The following CDC42BPB variants were observed in gnomAD, a reference collection of about 807,000 sequenced individuals.
The protein encoded by CDC42BPB is CDC42 binding protein kinase beta, also known as serine/threonine-protein kinase MRCK beta.
CDC42BPB carries 37 observed loss-of-function variants against 214.9 expected under a neutral mutation model. The ratio of observed to expected loss-of-function variants is 0.17; its 90% CI spans 0.13 to 0.23. CDC42BPB has a LOEUF of 0.23. Among genes scored for constraint, CDC42BPB ranks in the 10% least tolerant of loss-of-function variants. CDC42BPB has a pLI of 1.00. For synonymous variants in CDC42BPB, 931 were observed against 884.0 expected, an observed-to-expected ratio of 1.05 and a Z score of -0.94; for missense variants, 1,694 against 2,227.0, an observed-to-expected ratio of 0.76 and a Z score of 4.82.
chr14:103,051,563 G>A (rs111944462), intron 1 of CDC42BPB, among the ~76,000 whole-genome samples: 3,836 of 152,274 alleles, frequency 0.025, 172 homozygotes, highest in African/African-American at 0.088. Flanking sequence ...GCGCAACCAG[G>A]AGACATCTAA....
At chr14:103,008,632 A>G in intron 2 of CDC42BPB, 77 bp from the exon 3 acceptor site, 4 of 1,575,602 alleles carry the variant, frequency 2.5e-6, no homozygotes, top group Non-Finnish European at 3.4e-6. Context: ...AACTGTAGTG[A>G]AATCCTAACA....
chr14:102,944,031 G>A lies in CDC42BPB; in HGVS notation c.4268C>T (p.Ser1423Phe). 6.2e-7 allele frequency: 1 copy of A among 1,613,558 alleles called. No homozygotes were observed. The highest frequency in any genetic ancestry group is 8.5e-7 in the Non-Finnish European group (1 of 1,180,018). ...DPSLAFLSQQ[S>F]FDALCAVELE... is the part of the protein sequence containing the mutation. ...CTCCACAGCACAAAGGGCATCAAAA[G>A]ACTGTTGTGAGAGGAACGCAAGCGA... is the stretch of plus-strand genomic sequence containing the variant. The change falls in exon 30 of 37, where the codon TCT becomes TTT. Residue 1423 changes from serine (S) to phenylalanine (F), a missense_variant. By Grantham distance (155) the Ser-to-Phe change is radical. Coordinates refer to ENST00000361246, the MANE Select transcript of CDC42BPB (RefSeq NM_006035.4). The surrounding 1 kb of genome is among the most constrained non-coding windows in gnomAD (Gnocchi z 6.6).
intron 1 of CDC42BPB, among the ~76,000 whole-genome samples, chr14:103,036,698 A>T (rs962998834): frequency 1.3e-5 from 2 of 152,256 alleles, no homozygotes; most frequent in South Asian, 4.1e-4. Flanking sequence ...GAATGCACAT[A>T]TGATTCTATA....
intron 1 of CDC42BPB, among the ~76,000 whole-genome samples, chr14:103,053,909 T>C (rs192363812): frequency 8.3e-4 from 127 of 152,248 alleles, no homozygotes; most frequent in African/African-American, 3.0e-3. Flanking sequence ...GGCATGATCA[T>C]TGCTCATTGC....
intron 30 of CDC42BPB, 89 bp from the exon 31 acceptor site, chr14:102,940,413 C>A: frequency 6.5e-7 from 1 of 1,540,574 alleles, no homozygotes; most frequent in Non-Finnish European, 8.8e-7. Flanking sequence ...GGCACTTGAA[C>A]AAGTGCAGAG....
intron 1 of CDC42BPB, among the ~76,000 whole-genome samples, chr14:103,048,584 G>A (rs1166879341): frequency 6.8e-6 from 1 of 147,584 alleles, no homozygotes; most frequent in African/African-American, 2.5e-5. Context: ...GGTGGCGGGC[G>A]CCTGTAGTCC....
At chr14:103,037,947 T>C (rs1484475968) in intron 1 of CDC42BPB, among the ~76,000 whole-genome samples, 1 of 150,540 alleles carries the variant, frequency 6.6e-6, no homozygotes, top group African/African-American at 2.4e-5. Context: ...GAGAATGGTG[T>C]GAACCCGGGA....
In CDC42BPB at chr14:102,943,297, C is replaced by G. The variant is rs1448357415; in HGVS notation, c.4408+594G>C. On this transcript the variant is annotated intron_variant, in intron 30 of 36. Coordinates refer to ENST00000361246, the MANE Select transcript of CDC42BPB (RefSeq NM_006035.4). The surrounding 1 kb of genome is among the most constrained non-coding windows in gnomAD (Gnocchi z 4.6). ...CCCGGTTTAAGGTTTTAAAAGCAATCGGACAGCGGGCCAGTCGGGAAGTGT... is the reference window on the plus strand; with the variant it reads ...CCCGGTTTAAGGTTTTAAAAGCAATGGGACAGCGGGCCAGTCGGGAAGTGT... 1.3e-5 allele frequency among the ~76,000 whole-genome samples: 2 copies of G among 152,198 alleles called. No individual in the cohort carries two copies. Among genetic ancestry groups the G allele is most frequent in the African/African-American group, 4.8e-5 (2 of 41,442 alleles).
chr14:103,023,758 G>A (rs1256331393), intron 1 of CDC42BPB, among the ~76,000 whole-genome samples: 1 of 151,760 alleles, frequency 6.6e-6, no homozygotes, highest in African/African-American at 2.4e-5. Flanking sequence ...GTCAACTACT[G>A]GTATTATATT....
At chr14:102,986,217 A>G (rs1212259123) in intron 6 of CDC42BPB, 1 of 362,346 alleles carries the variant, frequency 2.8e-6, no homozygotes, top group African/African-American at 2.1e-5. Flanking sequence ...GCTTTTAGCC[A>G]CCTTGGGATT....
In CDC42BPB at chr14:102,974,412, G is replaced by A. The variant is rs1041311504; in HGVS notation, c.1508-263C>T. 6 of 970,408 alleles carry A rather than the reference G, an allele frequency of 6.2e-6. No homozygotes were observed. In the African/African-American group the frequency reaches 7.0e-5, roughly 11 times the overall value. 60.1% of individuals were successfully genotyped at this position (970,408 alleles called of 1,614,324 possible). On this transcript the variant is annotated intron_variant, in intron 11 of 36. Transcript: ENST00000361246. ...CAGCGATCTCCCCTGAGCACTGGGA[G>A]CCCTTGGGTGGCGCACACACTCGTC...
At position 102,944,761 on chromosome 14, in the gene CDC42BPB, C is replaced by T; in HGVS notation, c.3812-274G>A. ...GCTCCTCTGCCTCTGCTGCTGTGCA[C>T]ACCCCTCAGTGCACCAGGGCTCCAG... On this transcript the variant is annotated intron_variant, in intron 29 of 36. Transcript: ENST00000361246. This position sits in a 1 kb window ranked among gnomAD's most constrained non-coding sequence, Gnocchi z 6.6. 1 of 716,340 alleles carries T rather than the reference C, an allele frequency of 1.4e-6. No homozygotes were observed. Among genetic ancestry groups the T allele is most frequent in the South Asian group, 6.2e-5 (1 of 16,104 alleles). The allele number at this position is 716,340 out of a possible 1,614,324, so 44.4% of individuals were successfully genotyped here. A position where few individuals can be genotyped will look rare whatever the true frequency, so the allele number is the denominator to read the frequency against.
At chr14:103,051,852 G>T (rs939249342) in intron 1 of CDC42BPB, among the ~76,000 whole-genome samples, 27 of 147,822 alleles carry the variant, frequency 1.8e-4, no homozygotes, top group South Asian at 1.1e-3. Context: ...GAGGTTTTTT[G>T]TTTTTTTTTT....
chr14:103,009,137 G>A (rs35897010), intron 2 of CDC42BPB, among the ~76,000 whole-genome samples: 1,751 of 152,302 alleles, frequency 0.011, 19 homozygotes, highest in Non-Finnish European at 0.016. Flanking sequence ...GCTACTCACT[G>A]GCAGTGACAG....
chr14:103,012,859 T>C (rs1886234592), intron 1 of CDC42BPB, among the ~76,000 whole-genome samples: 3 of 152,206 alleles, frequency 2.0e-5, no homozygotes, highest in Non-Finnish European at 4.4e-5. Flanking sequence ...TACAGCTGCC[T>C]ACAGTGTTCG....
chr14:102,966,341 A>G lies in CDC42BPB; in HGVS notation c.2518T>C (p.Ser840Pro). ...GCCTCGAGCTCTTCGGTCATCTTGGAAGCAAGAGCTTGAAGGTAACCCCGG... is the reference window on the plus strand; with the variant it reads ...GCCTCGAGCTCTTCGGTCATCTTGGGAGCAAGAGCTTGAAGGTAACCCCGG... The part of the protein sequence containing the change: ...DARGYLQALA[S>P]KMTEELEALR... The change falls in exon 18 of 37, where the codon TCC becomes CCC. Residue 840 changes from serine (S) to proline (P), a missense_variant. This residue lies in a region of CDC42BPB where 55 missense variants were observed against 95.5 expected (regional missense o/e 0.58). Transcript: ENST00000361246. 1 of 1,614,100 alleles carries G rather than the reference A, an allele frequency of 6.2e-7. No individual in the cohort carries two copies. Among genetic ancestry groups the G allele is most frequent in the Non-Finnish European group, 8.5e-7 (1 of 1,179,966 alleles).
chr14:102,937,444 C>T (rs938679200), intron 36 of CDC42BPB, among the ~76,000 whole-genome samples: 2 of 152,248 alleles, frequency 1.3e-5, no homozygotes, highest in African/African-American at 2.4e-5. Flanking sequence ...GTTAAAACAT[C>T]TCAGTGCTGG....
In CDC42BPB at chr14:103,004,306, T is replaced by C. The variant is rs1895134829; in HGVS notation, c.352-283A>G. The C allele has an allele frequency of 5.3e-6, 3 of 562,434 alleles. No homozygotes were observed. Among genetic ancestry groups the C allele is most frequent in the Non-Finnish European group, 5.0e-6 (2 of 400,572 alleles). The allele number at this position is 562,434 out of a possible 1,614,324, so 34.8% of individuals were successfully genotyped here. A position where few individuals can be genotyped will look rare whatever the true frequency, so the allele number is the denominator to read the frequency against. ...CTGACACTTAGATTCACCCCACCCT[T>C]ATGTGGATTCCTGACTGGGCTCCTC... On this transcript the variant is annotated intron_variant, in intron 3 of 36. Transcript: ENST00000361246. The surrounding 1 kb of genome is among the most constrained non-coding windows in gnomAD (Gnocchi z 5.3).
intron 27 of CDC42BPB, among the ~76,000 whole-genome samples, chr14:102,947,272 T>A (rs1233810329): frequency 6.6e-6 from 1 of 152,156 alleles, no homozygotes; most frequent in Non-Finnish European, 1.5e-5. Flanking sequence ...CAATTCAGTC[T>A]TCTAGGAACG....
Sources: gnomAD v4.1 joint callset for allele counts (sites outside exome capture counted in the v4.1 genomes callset) on GRCh38, gnomAD v4.1.1 for gene constraint, gnomAD v4.1.1 regional missense constraint, Gnocchi (gnomAD v3.1) non-coding constraint, MANE v1.5 for transcripts, NCBI Gene and HGNC (gene_info 2026-07-23, HGNC 2026-07-21) for gene names.